Variants in SHB observed in about 807,000 individuals in gnomAD.
The protein encoded by SHB is SH2 domain-containing adapter protein B.
A neutral mutation model predicts 52.3 loss-of-function variants in SHB; 20 were observed. That is an observed-to-expected ratio of 0.38 (90% CI 0.27 to 0.56). The LOEUF (loss-of-function observed/expected upper bound fraction) is 0.56. Among genes scored for constraint, SHB ranks in the 20% least tolerant of loss-of-function variants. The pLI is 0.71. For synonymous variants in SHB, 397 were observed against 316.5 expected (o/e 1.25, Z -2.70); for missense variants, 825 against 723.3 (o/e 1.14, Z -1.61).
chr9:37,964,359 G>A (rs957628296), intron 3 of SHB, among the ~76,000 whole-genome samples: 5 of 152,272 alleles, frequency 3.3e-5, no homozygotes, highest in East Asian at 1.9e-4. Context: ...TGGGGACGGC[G>A]GGCCTGGCAG....
intron 3 of SHB, among the ~76,000 whole-genome samples, chr9:37,974,158 A>G (rs536570404): frequency 2.6e-5 from 4 of 152,294 alleles, no homozygotes; most frequent in Admixed American, 2.0e-4. Flanking sequence ...TGAGAGGCTG[A>G]GGCAGGAGAA....
intron 2 of SHB, among the ~76,000 whole-genome samples, chr9:37,981,503 T>G (rs1820723346): frequency 9.8e-6 from 1 of 102,556 alleles, no homozygotes; most frequent in Non-Finnish European, 2.0e-5. Flanking sequence ...ACTCTCTCTC[T>G]AATAGCAACA....
intron 5 of SHB, among the ~76,000 whole-genome samples, chr9:37,927,899 G>A (rs2118466306): frequency 6.6e-6 from 1 of 152,264 alleles, no homozygotes; most frequent in South Asian, 2.1e-4. Context: ...TTCAGGAAAG[G>A]GAAACAGGGT....
chr9:37,987,716 G>A (rs1820828423), intron 2 of SHB, among the ~76,000 whole-genome samples: 1 of 152,198 alleles, frequency 6.6e-6, no homozygotes, highest in Admixed American at 6.5e-5. Context: ...CATCATGGTT[G>A]GGGGGCCTGG....
intron 4 of SHB, among the ~76,000 whole-genome samples, chr9:37,949,967 C>T (rs1393513781): frequency 6.6e-6 from 1 of 152,158 alleles, no homozygotes; most frequent in Non-Finnish European, 1.5e-5. Flanking sequence ...GACAGGGTCT[C>T]ACCCCGTCAC....
intron 3 of SHB, among the ~76,000 whole-genome samples, chr9:37,964,448 C>T (rs780277994): frequency 2.6e-5 from 4 of 152,186 alleles, no homozygotes; most frequent in Non-Finnish European, 4.4e-5. Flanking sequence ...AAAGACCCCA[C>T]CCTAAGATCT....
intron 1 of SHB, among the ~76,000 whole-genome samples, chr9:38,046,801 G>A (rs549847255): frequency 6.6e-6 from 1 of 152,246 alleles, no homozygotes; most frequent in Non-Finnish European, 1.5e-5. Flanking sequence ...GGCCTGACAG[G>A]CCTGACAGTA....
chr9:37,932,897 G>A (rs1328421927), intron 5 of SHB, among the ~76,000 whole-genome samples: 1 of 152,238 alleles, frequency 6.6e-6, no homozygotes, highest in African/African-American at 2.4e-5. Context: ...TTATAGGCAT[G>A]AGGTACTGCA....
chr9:37,955,040 C>G (rs926566068), intron 4 of SHB, among the ~76,000 whole-genome samples: 1 of 152,072 alleles, frequency 6.6e-6, no homozygotes, highest in Non-Finnish European at 1.5e-5. Flanking sequence ...TGGGAAAACC[C>G]GCATCAAGAG....
chr9:37,974,771 T>A lies in SHB; in HGVS notation c.905A>T (p.Glu302Val). ...KGIQLYDTPYEPEGQSVDSDS... is the reference protein window; with the variant it reads ...KGIQLYDTPYVPEGQSVDSDS... ...TGAGTCAACACTTTGGCCTTCAGGTTCGTAAGGGGTGTCATATAACTGGAT... is the reference window on the plus strand; with the variant it reads ...TGAGTCAACACTTTGGCCTTCAGGTACGTAAGGGGTGTCATATAACTGGAT... Residue 302 changes from glutamate (E) to valine (V), a missense_variant, in exon 3 of 6, where the codon GAA becomes GTA. By Grantham distance (121) the Glu-to-Val change is moderately radical. Transcript: ENST00000377707. The A allele has an allele frequency of 6.2e-7, 1 of 1,614,148 alleles. No individual in the cohort carries two copies. Among genetic ancestry groups the A allele is most frequent in the Non-Finnish European group, 8.5e-7 (1 of 1,180,014 alleles).
chr9:37,916,051 G>C lies in SHB; in HGVS notation c.*3770C>G, dbSNP rs187916326. 6.6e-6 allele frequency among the ~76,000 whole-genome samples: 1 copy of C among 152,222 alleles called. No homozygotes were observed. Among genetic ancestry groups the C allele is most frequent in the South Asian group, 2.1e-4 (1 of 4,826 alleles). ...GATGCAAACAGCCCCAAGGAGGGAGGTGGAAAGGCCAAGGGGCACCTGTGT... is the reference window on the plus strand; with the variant it reads ...GATGCAAACAGCCCCAAGGAGGGAGCTGGAAAGGCCAAGGGGCACCTGTGT... On this transcript the variant is annotated 3_prime_UTR_variant, in exon 6 of 6. Transcript: ENST00000377707.
intron 5 of SHB, among the ~76,000 whole-genome samples, chr9:37,942,118 C>A (rs1832441278): frequency 6.6e-6 from 1 of 152,236 alleles, no homozygotes; most frequent in South Asian, 2.1e-4. Flanking sequence ...CTGCCACGCA[C>A]CCCCAGTGCC....
At chr9:38,011,489 A>T in intron 2 of SHB, among the ~76,000 whole-genome samples, 1 of 152,206 alleles carries the variant, frequency 6.6e-6, no homozygotes, top group East Asian at 1.9e-4. Context: ...CCTCCTATTC[A>T]GTTGGTCTCA....
intron 2 of SHB, among the ~76,000 whole-genome samples, chr9:37,979,845 T>C (rs774440648): frequency 6.6e-5 from 10 of 152,194 alleles, no homozygotes; most frequent in Non-Finnish European, 1.2e-4. Context: ...TAAAATTTTT[T>C]GGTTTTCCAA....
In SHB at chr9:37,939,782, C is replaced by A. The variant is rs549484622; in HGVS notation, c.1346+8853G>T. Among the ~76,000 whole-genome samples, 46 of 152,262 alleles carry A rather than the reference C, an allele frequency of 3.0e-4. 1 individual carries two copies. In the South Asian group the frequency reaches 9.5e-3, roughly 32 times the overall value. ...TCATCTCTTTACTCATTAACTGTGA[C>A]GTAATGTGAACACCAGTTTCTTTAT... is the stretch of plus-strand genomic sequence containing the variant. On this transcript the variant is annotated intron_variant, in intron 5 of 5. Coordinates refer to ENST00000377707, the MANE Select transcript of SHB (RefSeq NM_003028.3).
chr9:38,065,680 C>T (rs778830058), intron 1 of SHB, among the ~76,000 whole-genome samples: 3 of 152,174 alleles, frequency 2.0e-5, no homozygotes, highest in Admixed American at 1.3e-4. Flanking sequence ...GCAGTCACAA[C>T]CTAGTAGGTG....
At chr9:37,978,940 G>A (rs1394279656) in intron 2 of SHB, among the ~76,000 whole-genome samples, 2 of 152,226 alleles carry the variant, frequency 1.3e-5, no homozygotes, top group African/African-American at 4.8e-5. Flanking sequence ...GTGTATTTAG[G>A]AAGCAGCTGC....
chr9:38,001,059 T>C (rs1821007332), intron 2 of SHB, among the ~76,000 whole-genome samples: 1 of 152,222 alleles, frequency 6.6e-6, no homozygotes, highest in Non-Finnish European at 1.5e-5. Flanking sequence ...TTTTTGCTCT[T>C]CCTTTTTTCT....
intron 1 of SHB, among the ~76,000 whole-genome samples, chr9:38,025,615 T>C (rs1821331841): frequency 6.6e-6 from 1 of 152,160 alleles, no homozygotes; most frequent in Non-Finnish European, 1.5e-5. Context: ...CCACAAATCA[T>C]TTAGCCCTCT....
Sources: allele counts gnomAD v4.1 joint callset (sites outside exome capture counted in the v4.1 genomes callset), GRCh38; gene constraint gnomAD v4.1.1; transcripts MANE v1.5; gene names NCBI Gene and HGNC (gene_info 2026-07-23, HGNC 2026-07-21).